COL4A4: variants seen among roughly 807,000 people sequenced by gnomAD.
COL4A4 encodes the protein collagen type IV alpha 4 chain, also known as collagen alpha-4(IV) chain.
Under a neutral mutation model 192.9 loss-of-function variants are expected in COL4A4, and 105 were observed. The ratio of observed to expected loss-of-function variants is 0.54; its 90% CI spans 0.46 to 0.64. The LOEUF (loss-of-function observed/expected upper bound fraction) is 0.64. Ranked by LOEUF, COL4A4 falls within the 30% of genes least tolerant of loss-of-function variation. The pLI is 0.00. For missense variants in COL4A4, 1,967 were observed against 2,169.3 expected, an observed-to-expected ratio of 0.91 and a Z score of 1.85; for synonymous variants, 762 against 769.9, an observed-to-expected ratio of 0.99 and a Z score of 0.17.
intron 4 of COL4A4, among the ~76,000 whole-genome samples, chr2:227,136,699 G>A (rs557277609): frequency 3.3e-5 from 5 of 152,258 alleles, no homozygotes; most frequent in South Asian, 4.1e-4. Context: ...GCCTGTCAAC[G>A]ATTGCTTTAG....
At chr2:227,147,720 GAATA>G (rs1357186127) in intron 1 of COL4A4, 136 bp from the exon 2 acceptor site, 3 of 400,538 alleles carry the variant, frequency 7.5e-6, no homozygotes, top group African/African-American at 4.2e-5. Flanking sequence ...TGGTGAAACT[GAATA>G]AATATCAGTT....
At chr2:227,098,871 T>G (rs985643103) in intron 18 of COL4A4, 73 bp from the exon 19 acceptor site, 2 of 1,230,260 alleles carry the variant, frequency 1.6e-6, no homozygotes, top group African/African-American at 3.0e-5. Context: ...CAATTACTTT[T>G]TGTGAGACTC....
chr2:227,056,007 C>T lies in COL4A4; in HGVS notation c.2654G>A (p.Gly885Asp), dbSNP rs1425028482. ...PGRPGAHGPP[G>D]LPGIPGPFGD... The stretch of plus-strand genomic sequence containing the variant: ...AAAGGGACCTGGGATTCCTGGGAGG[C>T]CTGGGGGACCATGTGCCCCAGGCCG... The change falls in exon 30 of 48, where the codon GGC becomes GAC. Residue 885 changes from glycine to aspartate, a missense_variant. By Grantham distance (94) the Gly-to-Asp change is moderately conservative (BLOSUM62 -1). Coordinates refer to ENST00000396625, the MANE Select transcript of COL4A4 (RefSeq NM_000092.5). 3.1e-6 allele frequency: 5 copies of T among 1,613,952 alleles called. No individual in the cohort carries two copies. The highest frequency in any genetic ancestry group is 3.4e-6 in the Non-Finnish European group (4 of 1,179,924).
chr2:227,058,520 C>T (rs750665748), intron 28 of COL4A4, among the ~76,000 whole-genome samples: 4 of 152,140 alleles, frequency 2.6e-5, no homozygotes, highest in Non-Finnish European at 5.9e-5. Flanking sequence ...ATGCAAGCTC[C>T]TTGAGGGTGC....
At chr2:227,045,860 A>G (rs1394208314) in intron 35 of COL4A4, among the ~76,000 whole-genome samples, 12 of 90,294 alleles carry the variant, frequency 1.3e-4, no homozygotes, top group African/African-American at 6.1e-4. Context: ...ACATATATAT[A>G]TACACATATA....
chr2:226,986,065 A>G, the COL4A4 span, among the ~76,000 whole-genome samples: 1 of 151,676 alleles, frequency 6.6e-6, no homozygotes, highest in Non-Finnish European at 1.5e-5. Flanking sequence ...CCTCTATGGT[A>G]TTCTTCACCA....
intron 44 of COL4A4, among the ~76,000 whole-genome samples, chr2:227,021,039 T>G (rs1006498112): frequency 2.0e-5 from 3 of 151,988 alleles, no homozygotes; most frequent in Non-Finnish European, 4.4e-5. Context: ...CTAATTTTTG[T>G]ACTTTTAGTA....
At chr2:227,130,493 C>T (rs1056002491) in intron 4 of COL4A4, among the ~76,000 whole-genome samples, 1 of 152,244 alleles carries the variant, frequency 6.6e-6, no homozygotes, top group East Asian at 1.9e-4. Flanking sequence ...TGTTCTCCAG[C>T]ATCCCTGCCC....
chr2:227,143,201 C>T (rs555277791), intron 3 of COL4A4, among the ~76,000 whole-genome samples: 4 of 152,324 alleles, frequency 2.6e-5, no homozygotes, highest in East Asian at 1.9e-4. Flanking sequence ...ATCCATCAGA[C>T]CACATACCAT....
chr2:227,081,205 G>A (rs1313252740), intron 23 of COL4A4, among the ~76,000 whole-genome samples: 1 of 152,172 alleles, frequency 6.6e-6, no homozygotes, highest in Non-Finnish European at 1.5e-5. Context: ...TGTTGCCAGA[G>A]GAGATTAACA....
intron 41 of COL4A4, 96 bp from the exon 42 acceptor site, chr2:227,028,105 A>G: frequency 2.2e-6 from 2 of 899,290 alleles, no homozygotes; most frequent in Non-Finnish European, 1.8e-6. Flanking sequence ...ATTCACTCCA[A>G]CAAAATGCAG....
At position 227,030,491 on chromosome 2, in the gene COL4A4, G is replaced by C; in HGVS notation, c.3925C>G (p.Pro1309Ala). ...PPGPPGPPGP[P>A]GYKGFPGCDG... The stretch of plus-strand genomic sequence containing the variant: ...CATCCTGGAAAGCCTTTGTATCCTG[G>C]AGGGCCTGGTGGGCCAGGGGGACCT... Residue 1309 changes from proline to alanine, a missense_variant, in exon 41 of 48, where the codon CCA becomes GCA. Coordinates refer to ENST00000396625, the MANE Select transcript of COL4A4 (RefSeq NM_000092.5). 1 of 1,614,166 alleles carries C rather than the reference G, an allele frequency of 6.2e-7. No homozygotes were observed. The highest frequency in any genetic ancestry group is 8.5e-7 in the Non-Finnish European group (1 of 1,180,038).
chr2:226,982,778 T>TGGTGTG, the COL4A4 span, among the ~76,000 whole-genome samples: 1 of 152,192 alleles, frequency 6.6e-6, no homozygotes, highest in Non-Finnish European at 1.5e-5. Context: ...TCCTCAAGCA[T>TGGTGTG]TTATGATGCA....
Position 227,070,262 on chromosome 2 carries a change from C to T in COL4A4, c.1987+7632G>A, listed in dbSNP as rs1016083741. 2.3e-4 allele frequency among the ~76,000 whole-genome samples: 35 copies of T among 151,882 alleles called. No homozygotes were observed. The South Asian group carries it at 2.5e-3, about 11-fold the overall frequency. ...GTGGAGAAATAGGAACACTTTTACA[C>T]TGTTGGTGGGACTGTAAACTAGTTC... On this transcript the variant is annotated intron_variant, in intron 25 of 47. Transcript: ENST00000396625.
At chr2:227,047,638 G>T (rs1184252294) in intron 34 of COL4A4, 89 bp from the exon 35 acceptor site, 2 of 807,484 alleles carry the variant, frequency 2.5e-6, no homozygotes. Context: ...TATTTGTATA[G>T]CTTATCTTCA....
chr2:227,151,887 T>A (rs758853864), intron 1 of COL4A4, among the ~76,000 whole-genome samples: 1 of 152,230 alleles, frequency 6.6e-6, no homozygotes, highest in Non-Finnish European at 1.5e-5. Context: ...GGCATTGCAC[T>A]TCCCAGCCTC....
At chr2:227,150,748 C>T (rs1402164243) in intron 1 of COL4A4, among the ~76,000 whole-genome samples, 1 of 152,124 alleles carries the variant, frequency 6.6e-6, no homozygotes, top group African/African-American at 2.4e-5. Context: ...ACCATCAAAT[C>T]TCCTGAGAAC....
chr2:227,076,146 T>A (rs1156827626), intron 25 of COL4A4, among the ~76,000 whole-genome samples: 1 of 151,936 alleles, frequency 6.6e-6, no homozygotes, highest in East Asian at 1.9e-4. Context: ...TTACTTTAAA[T>A]TTCACATGGA....
At chr2:227,146,479 C>T (rs537839388) in intron 2 of COL4A4, among the ~76,000 whole-genome samples, 4 of 152,180 alleles carry the variant, frequency 2.6e-5, no homozygotes, top group African/African-American at 9.6e-5. Context: ...GTGTTAACTC[C>T]CAATGTCATT....
Sources: allele counts gnomAD v4.1 joint callset (sites outside exome capture counted in the v4.1 genomes callset), GRCh38; gene constraint gnomAD v4.1.1; transcripts MANE v1.5; gene names NCBI Gene and HGNC (gene_info 2026-07-23, HGNC 2026-07-21).